Variants in DSCAM observed in about 807,000 individuals in gnomAD.
The protein encoded by DSCAM is cell adhesion molecule DSCAM.
A neutral mutation model predicts 217.7 loss-of-function variants in DSCAM; 47 were observed. That is an observed-to-expected ratio of 0.22 (90% CI 0.17 to 0.28). The LOEUF is 0.28. DSCAM is among the 10% of genes least tolerant of loss of function. DSCAM has a pLI of 1.00. For missense variants in DSCAM, 2,080 were observed against 2,618.3 expected, an observed-to-expected ratio of 0.79 and a Z score of 4.49; for synonymous variants, 1,056 against 1,015.3, an observed-to-expected ratio of 1.04 and a Z score of -0.76.
intron 3 of DSCAM, among the ~76,000 whole-genome samples, chr21:40,425,470 T>C (rs12482270): frequency 0.052 from 7,974 of 151,968 alleles, 431 homozygotes; most frequent in Admixed American, 0.17. Context: ...AACCTGCACG[T>C]TGTGTACATG....
At chr21:40,732,904 A>T (rs181520837) in intron 1 of DSCAM, among the ~76,000 whole-genome samples, 31 of 152,334 alleles carry the variant, frequency 2.0e-4, no homozygotes, top group African/African-American at 7.0e-4. Flanking sequence ...CTGCTTTTCT[A>T]TGCTGGGTAA....
At chr21:40,198,855 T>C (rs902157482) in intron 11 of DSCAM, among the ~76,000 whole-genome samples, 2 of 152,174 alleles carry the variant, frequency 1.3e-5, no homozygotes, top group South Asian at 2.1e-4. Context: ...AAGACAAAAT[T>C]GTTAAGAATT....
intron 3 of DSCAM, among the ~76,000 whole-genome samples, chr21:40,671,571 C>A (rs2090274880): frequency 6.6e-6 from 1 of 151,790 alleles, no homozygotes; most frequent in African/African-American, 2.4e-5. Context: ...TGCCTGTAGT[C>A]CCAGCTACTT....
At chr21:40,393,060 G>A (rs2205082) in intron 3 of DSCAM, among the ~76,000 whole-genome samples, 102,911 of 152,124 alleles carry the variant, frequency 0.68, 35,734 homozygotes, top group African/African-American at 0.83. Flanking sequence ...TTTAATGCAC[G>A]CAGCTCCAAA....
rs572792912 is a variant in DSCAM, at chr21:40,028,137, C to G, written c.5686+14234G>C. 1.9e-3 allele frequency among the ~76,000 whole-genome samples: 161 copies of G among 86,894 alleles called. 1 individual carries two copies. Among genetic ancestry groups the G allele is most frequent in the African/African-American group, 6.8e-3 (145 of 21,304 alleles). The allele number at this position is 86,894 out of a possible 152,430, so 57.0% of individuals were successfully genotyped here. ...GTACCCTGCCCTGTGAGGTGTCAGT[C>G]TGCCCCTGCTGGGGGGTGCCTCCCA... On this transcript the variant is annotated intron_variant, in intron 32 of 32. Coordinates refer to ENST00000400454, the MANE Select transcript of DSCAM (RefSeq NM_001389.5).
intron 11 of DSCAM, among the ~76,000 whole-genome samples, chr21:40,238,592 C>T (rs968537609): frequency 5.9e-5 from 9 of 152,142 alleles, no homozygotes; most frequent in Non-Finnish European, 1.3e-4. Flanking sequence ...GAAAGCATTG[C>T]GTCTTCTCTC....
At chr21:40,164,301 C>G (rs2090571002) in intron 16 of DSCAM, among the ~76,000 whole-genome samples, 1 of 152,068 alleles carries the variant, frequency 6.6e-6, no homozygotes. Flanking sequence ...TTACAAACTG[C>G]CTGAACACTG....
At chr21:40,359,093 C>T (rs1302359776) in intron 4 of DSCAM, among the ~76,000 whole-genome samples, 1 of 152,094 alleles carries the variant, frequency 6.6e-6, no homozygotes, top group African/African-American at 2.4e-5. Flanking sequence ...TGACTTCACA[C>T]CCATTAGGAT....
chr21:40,663,023 ATGTG>A (rs138226523), intron 3 of DSCAM, among the ~76,000 whole-genome samples: 6 of 150,872 alleles, frequency 4.0e-5, no homozygotes, highest in East Asian at 2.0e-4. Flanking sequence ...GTTGTCAATG[ATGTG>A]TGTGTGTGTG....
intron 11 of DSCAM, among the ~76,000 whole-genome samples, chr21:40,247,704 T>A (rs902696513): frequency 7.2e-5 from 11 of 152,204 alleles, no homozygotes; most frequent in Non-Finnish European, 1.5e-5. Context: ...TGTAGGCACA[T>A]GATGCAAACT....
chr21:40,686,788 T>G (rs1365308715), intron 3 of DSCAM, among the ~76,000 whole-genome samples: 1 of 152,160 alleles, frequency 6.6e-6, no homozygotes, highest in Non-Finnish European at 1.5e-5. Context: ...CGACCCCCAT[T>G]CTTGGTGTCA....
intron 3 of DSCAM, among the ~76,000 whole-genome samples, chr21:40,578,816 C>T (rs1340620188): frequency 9.2e-5 from 14 of 152,132 alleles, no homozygotes; most frequent in Admixed American, 9.2e-4. Flanking sequence ...GTTTTAGAAT[C>T]CATCCCTGGG....
At chr21:40,532,240 AAAG>A (rs1478926678) in intron 3 of DSCAM, among the ~76,000 whole-genome samples, 1 of 151,188 alleles carries the variant, frequency 6.6e-6, no homozygotes, top group Non-Finnish European at 1.5e-5. Flanking sequence ...GAAAACAAAA[AAAG>A]AACAATGAAT....
At chr21:40,039,575 TAGAG>T (rs895518900) in intron 32 of DSCAM, among the ~76,000 whole-genome samples, 3 of 152,260 alleles carry the variant, frequency 2.0e-5, no homozygotes, top group East Asian at 3.9e-4. Context: ...TATTTATGTA[TAGAG>T]AGAGAGTTTT....
intron 3 of DSCAM, among the ~76,000 whole-genome samples, chr21:40,575,785 A>T (rs1011581406): frequency 6.6e-6 from 1 of 151,988 alleles, no homozygotes; most frequent in South Asian, 2.1e-4. Flanking sequence ...AAAAAAAAAA[A>T]CTCTTGCAAC....
At chr21:40,032,578 AAG>A (rs1406027444) in intron 32 of DSCAM, among the ~76,000 whole-genome samples, 6 of 152,128 alleles carry the variant, frequency 3.9e-5, no homozygotes, top group African/African-American at 1.4e-4. Context: ...TTCATTTACC[AAG>A]AGAGATTCTT....
At position 40,620,384 on chromosome 21, in the gene DSCAM, AAG is replaced by A. The variant is rs1384446534; in HGVS notation, c.508+72424_508+72425del. On this transcript the variant is annotated intron_variant, in intron 3 of 32. Transcript: ENST00000400454. ...AAAAAGAAAAAGAAAGAAAGAAAGAAAGAGAAAGAAAGAAAGAAAGGAGGGAG... is the reference window on the plus strand; with the variant it reads ...AAAAAGAAAAAGAAAGAAAGAAAGAAAGAAAGAAAGAAAGAAAGGAGGGAG... 1.0e-3 allele frequency among the ~76,000 whole-genome samples: 99 copies of A among 94,854 alleles called. 3 individuals are homozygous for A. Among genetic ancestry groups the A allele is most frequent in the African/African-American group, 1.1e-3 (31 of 29,320 alleles). The allele number at this position is 94,854 out of a possible 152,430, so 62.2% of individuals were successfully genotyped here. A position where few individuals can be genotyped will look rare whatever the true frequency, so the allele number is the denominator to read the frequency against.
intron 3 of DSCAM, among the ~76,000 whole-genome samples, chr21:40,572,681 A>T (rs73366938): frequency 0.048 from 7,308 of 152,274 alleles, 501 homozygotes; most frequent in African/African-American, 0.15. Flanking sequence ...TAATGCTAAG[A>T]GTCACTCCAT....
At chr21:40,203,624 A>G (rs1240743932) in intron 11 of DSCAM, among the ~76,000 whole-genome samples, 2 of 152,264 alleles carry the variant, frequency 1.3e-5, no homozygotes, top group Non-Finnish European at 2.9e-5. Context: ...TGAATCATCT[A>G]TCAAATGGGT....
Sources: allele counts gnomAD v4.1 joint callset (sites outside exome capture counted in the v4.1 genomes callset), GRCh38; gene constraint gnomAD v4.1.1; transcripts MANE v1.5; gene names NCBI Gene and HGNC (gene_info 2026-07-23, HGNC 2026-07-21).